The following WWOX variants were observed in gnomAD, a reference collection of about 807,000 sequenced individuals.
WWOX encodes WW domain-containing oxidoreductase.
Under a neutral mutation model 46.2 loss-of-function variants are expected in WWOX, and 69 were observed. That is an observed-to-expected ratio of 1.49 (90% CI 1.23 to 1.82). The LOEUF (loss-of-function observed/expected upper bound fraction) is 1.82. WWOX is among the 40% of genes most tolerant of loss of function. The probability of loss-of-function intolerance (pLI) is 0.00; values close to 1 mark genes in which losing one functional copy is unlikely to be tolerated. For synonymous variants in WWOX, 359 were observed against 202.6 expected, an observed-to-expected ratio of 1.77 and a Z score of -6.56; for missense variants, 919 against 542.6, an observed-to-expected ratio of 1.69 and a Z score of -6.89.
intron 8 of WWOX, among the ~76,000 whole-genome samples, chr16:78,677,016 A>T (rs1254114205): frequency 6.6e-6 from 1 of 152,096 alleles, no homozygotes; most frequent in Non-Finnish European, 1.5e-5. Context: ...AAGCAAATTT[A>T]AAAAAGCAAC....
chr16:78,344,208 C>T lies in WWOX; in HGVS notation c.517-42652C>T, dbSNP rs144879621. Reference sequence around the variant, plus strand: ...ATGGCTGGTATTTATGAGTGAATGGCAGCGTTTTGACAGGATGATGAATAA... The same window carrying T: ...ATGGCTGGTATTTATGAGTGAATGGTAGCGTTTTGACAGGATGATGAATAA... On this transcript the variant is annotated intron_variant, in intron 5 of 8. Transcript: ENST00000566780. Among the ~76,000 whole-genome samples, 32 of 120,064 alleles carry T rather than the reference C, an allele frequency of 2.7e-4. 10 individuals are homozygous for T. In the Middle Eastern group the frequency reaches 0.012, roughly 45 times the overall value. 78.8% of individuals were successfully genotyped at this position (120,064 alleles called of 152,430 possible).
At chr16:78,800,514 G>C (rs939296593) in intron 8 of WWOX, among the ~76,000 whole-genome samples, 4 of 152,114 alleles carry the variant, frequency 2.6e-5, no homozygotes, top group African/African-American at 9.7e-5. Flanking sequence ...GTCTAGGAAC[G>C]GGGGTAAGCC....
chr16:78,389,571 T>A (rs138765373), intron 6 of WWOX, among the ~76,000 whole-genome samples: 2 of 152,286 alleles, frequency 1.3e-5, no homozygotes, highest in African/African-American at 4.8e-5. Flanking sequence ...TTTGATTCAA[T>A]TCTCAAAGCA....
intron 8 of WWOX, among the ~76,000 whole-genome samples, chr16:78,584,009 C>G (rs1021959936): frequency 6.6e-6 from 1 of 152,222 alleles, no homozygotes; most frequent in Non-Finnish European, 1.5e-5. Context: ...GTTGTCTAAG[C>G]TTTACCATTC....
At chr16:78,819,799 C>T (rs1018935601) in intron 8 of WWOX, among the ~76,000 whole-genome samples, 1 of 152,212 alleles carries the variant, frequency 6.6e-6, no homozygotes, top group Non-Finnish European at 1.5e-5. Context: ...GTAAACAAAG[C>T]TTGGCAATAT....
At chr16:78,149,346 T>G (rs1021187531) in intron 4 of WWOX, among the ~76,000 whole-genome samples, 1 of 152,192 alleles carries the variant, frequency 6.6e-6, no homozygotes, top group African/African-American at 2.4e-5. Flanking sequence ...TGGAAGAACA[T>G]AGAGAGAAAC....
intron 8 of WWOX, among the ~76,000 whole-genome samples, chr16:78,769,620 T>C (rs2050015874): frequency 6.7e-6 from 1 of 148,590 alleles, no homozygotes; most frequent in African/African-American, 2.5e-5. Flanking sequence ...CAGGATCCAG[T>C]TAGGAGACAG....
chr16:78,350,244 C>G (rs953797622), intron 5 of WWOX, among the ~76,000 whole-genome samples: 1 of 121,230 alleles, frequency 8.2e-6, no homozygotes, highest in Non-Finnish European at 2.0e-5. Context: ...ACTAGAAATT[C>G]TTAGCGAGCT....
intron 8 of WWOX, among the ~76,000 whole-genome samples, chr16:79,116,109 A>C (rs769132789): frequency 6.6e-6 from 1 of 152,208 alleles, no homozygotes; most frequent in Non-Finnish European, 1.5e-5. Flanking sequence ...ATTACTAAAA[A>C]ATGCTAATGA....
chr16:78,913,973 C>T (rs1308215266), intron 8 of WWOX, among the ~76,000 whole-genome samples: 10 of 151,880 alleles, frequency 6.6e-5, no homozygotes, highest in Non-Finnish European at 1.0e-4. Context: ...TACTGCTATT[C>T]CAGACAAGAA....
chr16:78,477,555 G>A (rs375879478), intron 8 of WWOX, among the ~76,000 whole-genome samples: 1 of 151,830 alleles, frequency 6.6e-6, no homozygotes, highest in Non-Finnish European at 1.5e-5. Flanking sequence ...TTGTGTGATA[G>A]GATTATGGAA....
intron 8 of WWOX, among the ~76,000 whole-genome samples, chr16:78,743,594 C>T (rs571151961): frequency 2.6e-5 from 4 of 152,116 alleles, no homozygotes; most frequent in Non-Finnish European, 5.9e-5. Flanking sequence ...TATAAAAGGA[C>T]CAGAGGCTAC....
intron 8 of WWOX, among the ~76,000 whole-genome samples, chr16:78,621,519 T>A (rs2046181008): frequency 6.6e-6 from 1 of 151,550 alleles, no homozygotes. Flanking sequence ...TATTTGGTAG[T>A]CTCAGAACTT....
chr16:78,104,346 C>T lies in WWOX; in HGVS notation c.108-4077C>T, dbSNP rs375409675. Among the ~76,000 whole-genome samples, 34 of 138,044 alleles carry T rather than the reference C, an allele frequency of 2.5e-4. 2 individuals carry two copies. The highest frequency in any genetic ancestry group is 1.8e-3 in the Admixed American group (25 of 14,064). 90.6% of individuals were successfully genotyped at this position (138,044 alleles called of 152,430 possible). A position where few individuals can be genotyped will look rare whatever the true frequency, so the allele number is the denominator to read the frequency against. On this transcript the variant is annotated intron_variant, in intron 1 of 8. Transcript: ENST00000566780. ...CTCAAAAAACACACGCACGCACGCA[C>T]GCATGCACGCACATACACACACACA...
rs539141336 is a variant in WWOX, at chr16:79,103,133, C to G, written c.1057-108475C>G. Among the ~76,000 whole-genome samples, 19 of 152,338 alleles carry G rather than the reference C, an allele frequency of 1.2e-4. No individual in the cohort carries two copies. In the South Asian group the frequency reaches 3.9e-3, roughly 32 times the overall value. On this transcript the variant is annotated intron_variant, in intron 8 of 8. Coordinates refer to ENST00000566780, the MANE Select transcript of WWOX (RefSeq NM_016373.4). ...TAAGTCTCTGGGCATATTTGTTGATCTCTGCTGAGTCTCTCAGCCCGTTTT... is the reference window on the plus strand; with the variant it reads ...TAAGTCTCTGGGCATATTTGTTGATGTCTGCTGAGTCTCTCAGCCCGTTTT...
intron 8 of WWOX, among the ~76,000 whole-genome samples, chr16:78,983,760 G>A (rs1359446928): frequency 6.6e-6 from 1 of 151,696 alleles, no homozygotes; most frequent in Non-Finnish European, 1.5e-5. Context: ...AACTTCTATT[G>A]TGTTAAACCC....
At chr16:78,166,197 G>C (rs185645180) in intron 5 of WWOX, among the ~76,000 whole-genome samples, 12 of 151,802 alleles carry the variant, frequency 7.9e-5, no homozygotes, top group Admixed American at 2.0e-4. Context: ...TACTGCAGGA[G>C]ATCTCTTATT....
At chr16:78,174,870 C>A (rs1034237237) in intron 5 of WWOX, among the ~76,000 whole-genome samples, 1 of 152,054 alleles carries the variant, frequency 6.6e-6, no homozygotes, top group African/African-American at 2.4e-5. Flanking sequence ...CGCCTTTAGT[C>A]CCAGCTACTG....
intron 5 of WWOX, among the ~76,000 whole-genome samples, chr16:78,339,831 T>A (rs1047542514): frequency 1.7e-5 from 2 of 116,946 alleles, no homozygotes; most frequent in African/African-American, 5.8e-5. Flanking sequence ...CTCTTGGGAG[T>A]ACAATGGGAG....
Sources: allele counts gnomAD v4.1 joint callset (sites outside exome capture counted in the v4.1 genomes callset), GRCh38; gene constraint gnomAD v4.1.1; transcripts MANE v1.5; gene names NCBI Gene and HGNC (gene_info 2026-07-23, HGNC 2026-07-21).